Variants in FAM135B observed in about 807,000 individuals in gnomAD.
FAM135B encodes the protein protein FAM135B.
FAM135B carries 43 observed loss-of-function variants against 127.7 expected under a neutral mutation model. The observed-to-expected ratio is 0.34, with a 90% CI of 0.26 to 0.43. The LOEUF (loss-of-function observed/expected upper bound fraction) is 0.43, where lower values mean the gene tolerates loss of function less well. FAM135B is among the 20% of genes least tolerant of loss of function. The pLI, the probability that FAM135B is intolerant of heterozygous loss-of-function variation, is 1.00. For synonymous variants in FAM135B, 670 were observed against 665.1 expected (o/e 1.01, Z -0.11); for missense variants, 1,558 against 1,725.6 (o/e 0.90, Z 1.72).
chr8:138,159,571 A>G (rs1456747831), intron 12 of FAM135B, among the ~76,000 whole-genome samples: 13 of 132,748 alleles, frequency 9.8e-5, no homozygotes, highest in Non-Finnish European at 1.9e-4. Flanking sequence ...ACCTGGACAC[A>G]GGGTGGGTAG....
rs916325461 is a variant in FAM135B at position 138,300,522 on chromosome 8, A to G, written c.157+10319T>C. On this transcript the variant is annotated intron_variant, in intron 3 of 19. Coordinates refer to ENST00000395297, the MANE Select transcript of FAM135B (RefSeq NM_015912.4). ...AGTCCTCTGCTGCAAAGGTCCTCAA[A>G]GATGTGGCTTTCACATTTAAAGCAT... is the stretch of plus-strand genomic sequence containing the variant. Among the ~76,000 whole-genome samples, 70 of 152,274 alleles carry G rather than the reference A, an allele frequency of 4.6e-4. 2 individuals are homozygous for G. Among genetic ancestry groups the G allele is most frequent in the African/African-American group, 1.5e-3 (64 of 41,550 alleles).
intron 7 of FAM135B, among the ~76,000 whole-genome samples, chr8:138,214,057 A>G (rs1818353057): frequency 6.6e-6 from 1 of 152,148 alleles, no homozygotes; most frequent in Admixed American, 6.6e-5. Flanking sequence ...TGTCCCTGAC[A>G]CCAGTCTCCC....
intron 7 of FAM135B, among the ~76,000 whole-genome samples, chr8:138,237,604 A>G (rs929845695): frequency 2.6e-5 from 4 of 152,218 alleles, no homozygotes; most frequent in Admixed American, 6.5e-5. Context: ...CATCTTTTAG[A>G]GGAAATTAAT....
chr8:138,341,204 A>G (rs1226853572), intron 2 of FAM135B, among the ~76,000 whole-genome samples: 1 of 152,246 alleles, frequency 6.6e-6, no homozygotes, highest in Non-Finnish European at 1.5e-5. Flanking sequence ...CGGCATGCCC[A>G]TACAATGGAA....
At chr8:138,176,283 T>A (rs1814455183) in intron 11 of FAM135B, among the ~76,000 whole-genome samples, 1 of 152,236 alleles carries the variant, frequency 6.6e-6, no homozygotes, top group Admixed American at 6.5e-5. Flanking sequence ...TTACCTATTG[T>A]TGCAGTAACT....
At chr8:138,187,912 A>T (rs34918176) in intron 9 of FAM135B, among the ~76,000 whole-genome samples, 27,442 of 152,142 alleles carry the variant, frequency 0.18, 2,760 homozygotes, top group African/African-American at 0.27. Flanking sequence ...AACAATGGCC[A>T]ATGATTTAAT....
At chr8:138,294,652 A>G (rs1159598577) in intron 3 of FAM135B, among the ~76,000 whole-genome samples, 1 of 152,192 alleles carries the variant, frequency 6.6e-6, no homozygotes, top group Non-Finnish European at 1.5e-5. Flanking sequence ...ATAGCAACAT[A>G]TTTACAATCC....
At chr8:138,238,608 C>T (rs969418715) in intron 7 of FAM135B, among the ~76,000 whole-genome samples, 2 of 152,188 alleles carry the variant, frequency 1.3e-5, no homozygotes, top group Admixed American at 6.5e-5. Flanking sequence ...TATGAAAGTC[C>T]AGTTTTGCAA....
chr8:138,142,764 G>C (rs1259344921), intron 16 of FAM135B: 1 of 377,210 alleles, frequency 2.7e-6, no homozygotes, highest in Non-Finnish European at 4.8e-6. Flanking sequence ...AGGAATTTTT[G>C]TTTTAAGTCC....
chr8:138,201,282 T>C (rs548918128), intron 7 of FAM135B, among the ~76,000 whole-genome samples: 1 of 152,228 alleles, frequency 6.6e-6, no homozygotes, highest in South Asian at 2.1e-4. Context: ...ATCTATGAAG[T>C]CTCTTATCAA....
chr8:138,326,136 T>C (rs1387444413), intron 2 of FAM135B, among the ~76,000 whole-genome samples: 3 of 152,158 alleles, frequency 2.0e-5, no homozygotes, highest in Admixed American at 2.0e-4. Context: ...CCTTTGCTGC[T>C]TTTATTCATA....
chr8:138,227,708 GTCTC>G (rs1244281518), intron 7 of FAM135B, among the ~76,000 whole-genome samples: 74 of 113,740 alleles, frequency 6.5e-4, no homozygotes, highest in African/African-American at 2.1e-3. Context: ...TTTTAATTTT[GTCTC>G]TCTTTTTTTT....
At chr8:138,378,853 T>A (rs1831657369) in intron 1 of FAM135B, among the ~76,000 whole-genome samples, 1 of 152,152 alleles carries the variant, frequency 6.6e-6, no homozygotes. Context: ...AAATCCAGGC[T>A]TGCAGGCACA....
intron 2 of FAM135B, among the ~76,000 whole-genome samples, chr8:138,362,396 C>T (rs556139905): frequency 1.4e-4 from 21 of 150,990 alleles, no homozygotes; most frequent in Admixed American, 1.2e-3. Flanking sequence ...GGTGCACATG[C>T]GAGTCTTCAC....
At chr8:138,291,442 T>C (rs577895900) in intron 3 of FAM135B, among the ~76,000 whole-genome samples, 4 of 152,330 alleles carry the variant, frequency 2.6e-5, no homozygotes, top group Admixed American at 2.6e-4. Flanking sequence ...AAACTCATTT[T>C]TTGAGGCCAG....
At chr8:138,449,088 C>T (rs975870492) in intron 1 of FAM135B, among the ~76,000 whole-genome samples, 5 of 152,022 alleles carry the variant, frequency 3.3e-5, no homozygotes, top group African/African-American at 1.2e-4. Flanking sequence ...CACATCAGGC[C>T]CAGGTTTACT....
intron 1 of FAM135B, among the ~76,000 whole-genome samples, chr8:138,371,722 C>A (rs571036202): frequency 1.3e-5 from 2 of 152,300 alleles, no homozygotes; most frequent in Admixed American, 6.5e-5. Context: ...TGAGCATGTA[C>A]CATACACACA....
intron 5 of FAM135B, among the ~76,000 whole-genome samples, chr8:138,256,158 A>G (rs916289167): frequency 6.6e-6 from 1 of 152,348 alleles, no homozygotes; most frequent in African/African-American, 2.4e-5. Flanking sequence ...AGCCCAGGGT[A>G]GGAAGAAGAG....
chr8:138,297,435 G>A (rs1334064766), intron 3 of FAM135B, among the ~76,000 whole-genome samples: 2 of 152,150 alleles, frequency 1.3e-5, no homozygotes, highest in Non-Finnish European at 2.9e-5. Context: ...CCAGACACTA[G>A]AAGTTATATT....
Sources: gnomAD v4.1 joint callset for allele counts (sites outside exome capture counted in the v4.1 genomes callset) on GRCh38, gnomAD v4.1.1 for gene constraint, MANE v1.5 for transcripts, NCBI Gene and HGNC (gene_info 2026-07-23, HGNC 2026-07-21) for gene names.